Variants in VPS26B observed in about 807,000 individuals in gnomAD.
The protein encoded by VPS26B is vacuolar protein sorting-associated protein 26B.
A neutral mutation model predicts 33.3 loss-of-function variants in VPS26B; 10 were observed. The observed-to-expected ratio is 0.30, with a 90% CI of 0.19 to 0.51. The LOEUF is 0.51. Ranked by LOEUF, VPS26B falls within the 20% of genes least tolerant of loss-of-function variation. VPS26B has a pLI of 0.98. For missense variants in VPS26B, 317 were observed against 452.7 expected (o/e 0.70, Z 2.72); for synonymous variants, 190 against 176.9 (o/e 1.07, Z -0.59).
Position 134,247,433 on chromosome 11 carries a change from C to T in VPS26B, c.*1843C>T, listed in dbSNP as rs1938854376. The T allele has an allele frequency of 6.6e-6, 1 of 152,222 alleles. No homozygotes were observed. The highest frequency in any genetic ancestry group is 6.5e-5 in the Admixed American group (1 of 15,288). 9.4% of individuals were successfully genotyped at this position (152,222 alleles called of 1,614,324 possible). A position where few individuals can be genotyped will look rare whatever the true frequency, so the allele number is the denominator to read the frequency against. The stretch of plus-strand genomic sequence containing the variant: ...GTTCATTTTCCAACCTTCCTAACAT[C>T]TTAAACCTTTCTTCTGGGAGAACTA... On this transcript the variant is annotated 3_prime_UTR_variant, in exon 6 of 6. Coordinates refer to ENST00000281187, the MANE Select transcript of VPS26B (RefSeq NM_052875.5).
At chr11:134,232,997 C>T (rs1255496730) in intron 1 of VPS26B, among the ~76,000 whole-genome samples, 1 of 152,196 alleles carries the variant, frequency 6.6e-6, no homozygotes, top group Non-Finnish European at 1.5e-5. Context: ...CTGGATTGCT[C>T]ACTTTCCACC....
chr11:134,240,129 C>T lies in VPS26B; in HGVS notation c.519C>T (p.His173=). The T allele has an allele frequency of 1.9e-6, 3 of 1,614,212 alleles. No individual in the cohort carries two copies. Among genetic ancestry groups the T allele is most frequent in the Non-Finnish European group, 2.5e-6 (3 of 1,180,036 alleles). The change falls in exon 3 of 6, where the codon CAC becomes CAT. Residue 173 remains histidine, a synonymous_variant. Transcript: ENST00000281187. This position sits in a 1 kb window ranked among gnomAD's most constrained non-coding sequence, Gnocchi z 4.4. ...KMEVGIEDCL[H]IEFEYNKSKY... ...AGGTTGGGATTGAGGACTGTCTGCA[C>T]ATTGAATTTGAGTACAATAAATCCA...
chr11:134,240,032 T>A lies in VPS26B; in HGVS notation c.422T>A (p.Val141Asp). 3.1e-6 allele frequency: 5 copies of A among 1,614,220 alleles called. 1 individual carries two copies. Among genetic ancestry groups the A allele is most frequent in the South Asian group, 2.2e-5 (2 of 91,088 alleles). ...ACCATCAGCCGCCGCCTCAATGATG[T>A]TGTCAAAGAGATGGACATTGTAGTT... is the stretch of plus-strand genomic sequence containing the variant. ...RATISRRLND[V>D]VKEMDIVVHT... The change falls in exon 3 of 6, where the codon GTT (valine) becomes GAT (aspartate). Residue 141 changes from valine to aspartate, a missense_variant. Transcript: ENST00000281187. This position sits in a 1 kb window ranked among gnomAD's most constrained non-coding sequence, Gnocchi z 4.4.
At chr11:134,226,260 G>T (rs922000175) in intron 1 of VPS26B, among the ~76,000 whole-genome samples, 2 of 152,062 alleles carry the variant, frequency 1.3e-5, no homozygotes, top group African/African-American at 2.4e-5. Context: ...TTTGTAATTA[G>T]CTGGTCGTGG....
intron 1 of VPS26B, among the ~76,000 whole-genome samples, chr11:134,233,986 C>T (rs531492640): frequency 2.6e-5 from 4 of 152,258 alleles, no homozygotes; most frequent in South Asian, 2.1e-4. Context: ...CTTCTTAAAG[C>T]GTGGAAGTGT....
rs747052317 is a variant in VPS26B, at chr11:134,245,423, GC to G, written c.865-15del. On this transcript the variant is annotated intron_variant, in intron 5 of 5. Coordinates refer to ENST00000281187, the MANE Select transcript of VPS26B (RefSeq NM_052875.5). The surrounding 1 kb of genome is among the most constrained non-coding windows in gnomAD (Gnocchi z 4.7). ...ATGCCTCCCTCTAAGGTGTCACATT[GC>G]CCCCCTTTCAATTCTGCAGGAAGTG... 1.9e-6 allele frequency: 3 copies of G among 1,613,726 alleles called. No individual in the cohort carries two copies. Among genetic ancestry groups the G allele is most frequent in the Admixed American group, 3.3e-5 (2 of 60,002 alleles).
intron 1 of VPS26B, among the ~76,000 whole-genome samples, chr11:134,229,245 G>A (rs1938523510): frequency 6.6e-6 from 1 of 152,006 alleles, no homozygotes; most frequent in East Asian, 1.9e-4. Flanking sequence ...TGCCCAGGCT[G>A]GTCTGGAACT....
At chr11:134,237,652 G>A (rs1051970822) in intron 2 of VPS26B, among the ~76,000 whole-genome samples, 1 of 152,188 alleles carries the variant, frequency 6.6e-6, no homozygotes, top group Middle Eastern at 3.2e-3. Flanking sequence ...GAGGAGGAGA[G>A]GGGGGTGAAT....
intron 2 of VPS26B, among the ~76,000 whole-genome samples, chr11:134,239,309 A>C (rs1389839600): frequency 2.6e-5 from 4 of 152,142 alleles, no homozygotes; most frequent in Admixed American, 2.6e-4. Flanking sequence ...CAGCATCTCA[A>C]TTAGCCCTTT....
In VPS26B at chr11:134,245,602, C is replaced by T. The variant is rs750806690; in HGVS notation, c.*12C>T. On this transcript the variant is annotated 3_prime_UTR_variant, in exon 6 of 6. Transcript: ENST00000281187. This position sits in a 1 kb window ranked among gnomAD's most constrained non-coding sequence, Gnocchi z 4.7. ...ACTGCAGGCAGTAGGCCCCCAGGGC[C>T]GAGAAGATGCTGGGCACCCACCCAG... is the stretch of plus-strand genomic sequence containing the variant. 14 of 1,599,022 alleles carry T rather than the reference C, an allele frequency of 8.8e-6. No individual in the cohort carries two copies. Among genetic ancestry groups the T allele is most frequent in the Admixed American group, 3.4e-5 (2 of 59,202 alleles).
chr11:134,245,423 G>A lies in VPS26B; in HGVS notation c.865-21G>A, dbSNP rs374460633. The A allele has an allele frequency of 6.2e-7, 1 of 1,613,608 alleles. No individual in the cohort carries two copies. Among genetic ancestry groups the A allele is most frequent in the Non-Finnish European group, 8.5e-7 (1 of 1,179,724 alleles). ...ATGCCTCCCTCTAAGGTGTCACATT[G>A]CCCCCCTTTCAATTCTGCAGGAAGT... On this transcript the variant is annotated intron_variant, in intron 5 of 5. Transcript: ENST00000281187. This position sits in a 1 kb window ranked among gnomAD's most constrained non-coding sequence, Gnocchi z 4.7.
chr11:134,245,272 C>T lies in VPS26B; in HGVS notation c.865-172C>T, dbSNP rs539704140. Among the ~76,000 whole-genome samples the T allele has an allele frequency of 4.6e-5, 7 of 152,326 alleles. No homozygotes were observed. The highest frequency in any genetic ancestry group is 2.0e-4 in the Admixed American group (3 of 15,312). ...CGGGCCTTCTCCTGCAACCACCTGC[C>T]CTTTTGGCCCACACCAGGGACAGGG... On this transcript the variant is annotated intron_variant, in intron 5 of 5. Transcript: ENST00000281187. The surrounding 1 kb of genome is among the most constrained non-coding windows in gnomAD (Gnocchi z 4.7).
chr11:134,229,847 G>C (rs1185518580), intron 1 of VPS26B, among the ~76,000 whole-genome samples: 3 of 152,074 alleles, frequency 2.0e-5, no homozygotes, highest in African/African-American at 7.2e-5. Context: ...TTGGTTAATG[G>C]GGGAAAGTAT....
rs1938797214 is a variant in VPS26B at position 134,245,477 on chromosome 11, CG to C, written c.900del (p.Lys301ArgfsTer82). On this transcript the variant is annotated frameshift_variant, in exon 6 of 6. Coordinates refer to ENST00000281187, the MANE Select transcript of VPS26B (RefSeq NM_052875.5). LOFTEE classifies it high-confidence loss of function. The surrounding 1 kb of genome is among the most constrained non-coding windows in gnomAD (Gnocchi z 4.7). ...VVLWRKGDIV[R>X]KSMSHQAAIA... Reference sequence around the variant, plus strand: ...GTTGTGGCGGAAGGGTGACATCGTACGGAAGAGCATGTCCCACCAGGCGGCC... The same window carrying C: ...GTTGTGGCGGAAGGGTGACATCGTACGAAGAGCATGTCCCACCAGGCGGCC... The C allele has an allele frequency of 6.2e-7, 1 of 1,613,842 alleles. No homozygotes were observed.
At chr11:134,234,762 GC>G in intron 1 of VPS26B, 134 bp from the exon 2 acceptor site, 1 of 1,040,804 alleles carries the variant, frequency 9.6e-7, no homozygotes, top group Non-Finnish European at 1.4e-6. Context: ...AGAAAACAAG[GC>G]TAGAAGGGGT....
chr11:134,225,403 T>C, intron 1 of VPS26B, 58 bp downstream of exon 1: 1 of 1,556,846 alleles, frequency 6.4e-7, no homozygotes, highest in Non-Finnish European at 8.8e-7. Flanking sequence ...GGGAGCAGGG[T>C]GATTCAGGGC....
chr11:134,226,260 G>A (rs922000175), intron 1 of VPS26B, among the ~76,000 whole-genome samples: 15 of 152,062 alleles, frequency 9.9e-5, no homozygotes, highest in African/African-American at 3.6e-4. Flanking sequence ...TTTGTAATTA[G>A]CTGGTCGTGG....
Position 134,225,084 on chromosome 11 carries a change from G to C in VPS26B, c.-39G>C, listed in dbSNP as rs907648050. On this transcript the variant is annotated 5_prime_UTR_variant, in exon 1 of 6. Transcript: ENST00000281187. ...GGGCAGCCCGCGCCCCGGTGCGAGGGAGCGGTCCTTACCGAGACCCGCCCG... is the reference window on the plus strand; with the variant it reads ...GGGCAGCCCGCGCCCCGGTGCGAGGCAGCGGTCCTTACCGAGACCCGCCCG... 6.4e-7 allele frequency: 1 copy of C among 1,554,342 alleles called. No individual in the cohort carries two copies. Among genetic ancestry groups the C allele is most frequent in the South Asian group, 1.2e-5 (1 of 85,852 alleles).
At position 134,225,073 on chromosome 11, in the gene VPS26B, C is replaced by T. The variant is rs956847287; in HGVS notation, c.-50C>T. The T allele has an allele frequency of 1.3e-6, 2 of 1,530,094 alleles. No individual in the cohort carries two copies. The highest frequency in any genetic ancestry group is 2.7e-5 in the African/African-American group (2 of 72,982). 94.8% of individuals were successfully genotyped at this position (1,530,094 alleles called of 1,614,324 possible). Reference sequence around the variant, plus strand: ...TTCTTTACCTAGGGCAGCCCGCGCCCCGGTGCGAGGGAGCGGTCCTTACCG... The same window carrying T: ...TTCTTTACCTAGGGCAGCCCGCGCCTCGGTGCGAGGGAGCGGTCCTTACCG... On this transcript the variant is annotated 5_prime_UTR_variant, in exon 1 of 6. Transcript: ENST00000281187.
Sources: allele counts gnomAD v4.1 joint callset (sites outside exome capture counted in the v4.1 genomes callset), GRCh38; gene constraint gnomAD v4.1.1; non-coding constraint Gnocchi (gnomAD v3.1); transcripts MANE v1.5; gene names NCBI Gene and HGNC (gene_info 2026-07-23, HGNC 2026-07-21).